Variants in PRSS41 observed in about 807,000 individuals in gnomAD.
The protein encoded by PRSS41 is protease, serine 41.
PRSS41 carries 37 observed loss-of-function variants against 28.8 expected under a neutral mutation model. That is an observed-to-expected ratio of 1.29 (90% confidence interval 0.99 to 1.69). The LOEUF (loss-of-function observed/expected upper bound fraction) is 1.69. Ranked by LOEUF, PRSS41 falls within the 40% of genes most tolerant of loss-of-function variation. The pLI, the probability that PRSS41 is intolerant of heterozygous loss-of-function variation, is 0.00. For synonymous variants in PRSS41, 195 were observed against 163.1 expected, an observed-to-expected ratio of 1.20 and a Z score of -1.49; for missense variants, 431 against 400.7, an observed-to-expected ratio of 1.08 and a Z score of -0.65.
intron 4 of PRSS41, among the ~76,000 whole-genome samples, chr16:2,802,763 C>G (rs559268030): frequency 2.6e-5 from 4 of 152,276 alleles, no homozygotes; most frequent in Admixed American, 1.3e-4. Context: ...CGCAGGCACT[C>G]GGCAGGCTGA....
intron 2 of PRSS41, 92 bp downstream of exon 2, chr16:2,798,754 A>C (rs796120947): frequency 7.8e-7 from 1 of 1,276,516 alleles, no homozygotes; most frequent in Non-Finnish European, 1.0e-6. Context: ...GGTCCCGAGA[A>C]CGTGATGCTC....
At chr16:2,802,058 G>A (rs1393184739) in intron 4 of PRSS41, among the ~76,000 whole-genome samples, 98 of 143,628 alleles carry the variant, frequency 6.8e-4, no homozygotes, top group South Asian at 3.1e-3. Flanking sequence ...GGTGGCTGCC[G>A]GGCGGAGATG....
At chr16:2,802,016 G>T (rs1490788135) in intron 4 of PRSS41, among the ~76,000 whole-genome samples, 2 of 147,902 alleles carry the variant, frequency 1.4e-5, no homozygotes, top group East Asian at 3.9e-4. Flanking sequence ...GCCGGGCGTG[G>T]GGCTGACCCC....
At chr16:2,798,913 C>T in intron 2 of PRSS41, 46 bp from the exon 3 acceptor site, 1 of 1,467,132 alleles carries the variant, frequency 6.8e-7, no homozygotes, top group Non-Finnish European at 9.1e-7. Context: ...GGCCTGCCCA[C>T]CCCACCCCAC....
At chr16:2,802,456 C>G (rs943996858) in intron 4 of PRSS41, among the ~76,000 whole-genome samples, 3 of 151,972 alleles carry the variant, frequency 2.0e-5, no homozygotes, top group Non-Finnish European at 2.9e-5. Context: ...CAGGCAGAGA[C>G]ACTCCTCACT....
intron 4 of PRSS41, among the ~76,000 whole-genome samples, chr16:2,801,623 C>T (rs961571519): frequency 3.3e-5 from 5 of 151,142 alleles, no homozygotes; most frequent in Admixed American, 2.6e-4. Flanking sequence ...CCTGAGTGGA[C>T]ACAGCACATG....
intron 4 of PRSS41, among the ~76,000 whole-genome samples, chr16:2,801,971 T>C (rs2057311714): frequency 1.4e-5 from 2 of 146,754 alleles, no homozygotes; most frequent in South Asian, 2.2e-4. Context: ...GGCGGGGGGC[T>C]GACCCCCCCA....
Position 2,799,045 on chromosome 16 carries a change from C to T in PRSS41, c.178C>T (p.Arg60Cys), listed in dbSNP as rs773321917. ...GCGCTGGCCATGGCAGGCCAGCCTG[C>T]GCCTGAGGAGACGCCACCGATGTGG... Residue 60 changes from arginine (R) to cysteine (C), a missense_variant, in exon 3 of 6, where the codon CGC becomes TGC. Physicochemically the swap from Arg to Cys is radical, Grantham distance 180 (BLOSUM62 -3). Coordinates refer to ENST00000399677, the Ensembl canonical transcript of PRSS41. The T allele has an allele frequency of 1.2e-5, 19 of 1,532,906 alleles. No homozygotes were observed. In the South Asian group the frequency reaches 2.0e-4, roughly 16 times the overall value. The allele number at this position is 1,532,906 out of a possible 1,614,324, so 95.0% of individuals were successfully genotyped here. A position where few individuals can be genotyped will look rare whatever the true frequency, so the allele number is the denominator to read the frequency against.
At position 2,799,537 on chromosome 16, in the gene PRSS41, T is replaced by TG; in HGVS notation, c.510dup (p.Thr171AspfsTer33). 2 of 1,551,712 alleles carry TG rather than the reference T, an allele frequency of 1.3e-6. No individual in the cohort carries two copies. Among genetic ancestry groups the TG allele is most frequent in the Non-Finnish European group, 1.7e-6 (2 of 1,147,012 alleles). On this transcript the variant is annotated frameshift_variant, in exon 4 of 6. Coordinates refer to ENST00000399677, the Ensembl canonical transcript of PRSS41. LOFTEE classifies it high-confidence loss of function. ...TTCGTGCACCGGCCGGACTGCTGGG[T>TG]GACCGGCTGGGGGTTAATCAGCCCC...
chr16:2,802,057 C>T (rs559329034), intron 4 of PRSS41, among the ~76,000 whole-genome samples: 10 of 147,558 alleles, frequency 6.8e-5, no homozygotes, highest in African/African-American at 1.3e-4. Flanking sequence ...GGGTGGCTGC[C>T]GGGCGGAGAT....
chr16:2,801,249 TTGTTAGGTATGAAGATA>T (rs1346323941), intron 4 of PRSS41, among the ~76,000 whole-genome samples: 5 of 152,348 alleles, frequency 3.3e-5, no homozygotes, highest in Non-Finnish European at 5.9e-5. Flanking sequence ...TGGCGATCTG[TTGTTAGGTATGAAGATA>T]TTTATGATTG....
chr16:2,801,101 A>G (rs549239709), intron 4 of PRSS41, among the ~76,000 whole-genome samples: 1 of 152,284 alleles, frequency 6.6e-6, no homozygotes, highest in East Asian at 1.9e-4. Flanking sequence ...GGCCTCCCAA[A>G]GTTCGGGGAT....
Position 2,802,041 on chromosome 16 carries a change from C to T in PRSS41, c.542-2348C>T, listed in dbSNP as rs538957390. Among the ~76,000 whole-genome samples the T allele has an allele frequency of 3.9e-3, 573 of 148,524 alleles. 3 individuals carry two copies. The highest frequency in any genetic ancestry group is 0.013 in the African/African-American group (543 of 40,872). On this transcript the variant is annotated intron_variant, in intron 4 of 5. Coordinates refer to ENST00000399677, the Ensembl canonical transcript of PRSS41. ...GGGCTGACCCCCCCCACCTCCCTCCCGGACGGGGTGGCTGCCGGGCGGAGA... is the reference window on the plus strand; with the variant it reads ...GGGCTGACCCCCCCCACCTCCCTCCTGGACGGGGTGGCTGCCGGGCGGAGA...
exon 3 of PRSS41, chr16:2,799,060 C>T (rs1451606808): frequency 6.5e-7 from 1 of 1,533,952 alleles, no homozygotes; most frequent in African/African-American, 1.4e-5. Flanking sequence ...GAGGAGACGC[C>T]ACCGATGTGG....
At chr16:2,802,174 C>T (rs1390803069) in intron 4 of PRSS41, among the ~76,000 whole-genome samples, 4 of 150,570 alleles carry the variant, frequency 2.7e-5, no homozygotes, top group South Asian at 2.1e-4. Context: ...ACGGGGTGGC[C>T]GGGCAGAGAC....
At chr16:2,803,425 A>G (rs1005634128) in intron 4 of PRSS41, among the ~76,000 whole-genome samples, 1 of 152,108 alleles carries the variant, frequency 6.6e-6, no homozygotes, top group African/African-American at 2.4e-5. Flanking sequence ...CTTCAACAGT[A>G]TTAAAAAAAA....
exon 4 of PRSS41, chr16:2,799,430 C>T (rs1390377146): frequency 3.2e-6 from 5 of 1,552,168 alleles, no homozygotes; most frequent in Admixed American, 2.0e-5. Flanking sequence ...TACGCAATGA[C>T]ATTGCCCTGC....
At chr16:2,798,959 A>T (rs1343777600) in exon 3 of PRSS41, 2 of 1,500,892 alleles carry the variant, frequency 1.3e-6, no homozygotes, top group Admixed American at 4.0e-5. Context: ...TCCATCCCAG[A>T]GGCCTGCGGC....
intron 5 of PRSS41, 57 bp from the exon 6 acceptor site, chr16:2,804,857 G>A: frequency 7.4e-7 from 1 of 1,348,940 alleles, no homozygotes. Context: ...TGCTCTCATG[G>A]CCTCTGCTGC....
Sources: gnomAD v4.1 joint callset for allele counts (sites outside exome capture counted in the v4.1 genomes callset) on GRCh38, gnomAD v4.1.1 for gene constraint, MANE v1.5 for transcripts, NCBI Gene and HGNC (gene_info 2026-07-23, HGNC 2026-07-21) for gene names.